The following TMEM9 variants were observed in gnomAD, a reference collection of about 807,000 sequenced individuals.
The protein encoded by TMEM9 is transmembrane protein 9.
A neutral mutation model predicts 22.8 loss-of-function variants in TMEM9; 13 were observed. The ratio of observed to expected loss-of-function variants is 0.57; its 90% confidence interval spans 0.37 to 0.91. TMEM9 has a LOEUF of 0.91. TMEM9 is among the 40% of genes least tolerant of loss of function. The pLI is 0.01. For synonymous variants in TMEM9, 88 were observed against 93.0 expected (o/e 0.95, Z 0.31); for missense variants, 182 against 238.1 (o/e 0.76, Z 1.55).
intron 4 of TMEM9, 21 bp downstream of exon 4, chr1:201,143,799 G>A: frequency 6.2e-7 from 1 of 1,612,726 alleles, no homozygotes; most frequent in Non-Finnish European, 8.5e-7. Flanking sequence ...CCCAGGGCCT[G>A]GGCACTCAAA....
At chr1:201,150,427 C>T (rs993911590) in intron 2 of TMEM9, among the ~76,000 whole-genome samples, 2 of 152,202 alleles carry the variant, frequency 1.3e-5, no homozygotes, top group Admixed American at 6.5e-5. Context: ...GTTCTAAGTG[C>T]TATAGTTACT....
upstream of TMEM9, among the ~76,000 whole-genome samples, chr1:201,156,473 G>A (rs1353085824): frequency 6.6e-6 from 1 of 152,020 alleles, no homozygotes; most frequent in African/African-American, 2.4e-5. Flanking sequence ...CCTCCACTTG[G>A]CAACCAAGCC....
intron 1 of TMEM9, among the ~76,000 whole-genome samples, chr1:201,153,347 A>T (rs1181032030): frequency 2.0e-5 from 3 of 152,316 alleles, no homozygotes; most frequent in South Asian, 2.1e-4. Flanking sequence ...TTGCTTTCTG[A>T]TGGTTCAGTG....
chr1:201,146,585 G>A, intron 3 of TMEM9, 155 bp downstream of exon 3: 1 of 769,142 alleles, frequency 1.3e-6, no homozygotes, highest in Non-Finnish European at 2.3e-6. Context: ...GGTGTGGGAT[G>A]TGGGTCCCAG....
intron 1 of TMEM9, among the ~76,000 whole-genome samples, chr1:201,160,473 C>T (rs1665912499): frequency 6.6e-6 from 1 of 152,022 alleles, no homozygotes; most frequent in Non-Finnish European, 1.5e-5. Flanking sequence ...CCTGTAATCC[C>T]AGGTACTCAG....
intron 4 of TMEM9, among the ~76,000 whole-genome samples, chr1:201,139,585 C>T (rs755682988): frequency 6.6e-6 from 1 of 152,204 alleles, no homozygotes; most frequent in African/African-American, 2.4e-5. Flanking sequence ...CCCCCTTACC[C>T]CCCAGCCCAG....
Position 201,143,920 on chromosome 1 carries a change from C to CCCA in TMEM9, c.296_298dup (p.Val99dup). ...GAAGGCCATGTAGAGCAACAGGGCA[C>CCCA]CCACCACGGACAGGTAGATGACAAT... is the stretch of plus-strand genomic sequence containing the variant. On this transcript the variant is annotated inframe_insertion, in exon 4 of 5. Transcript: ENST00000367330. The CCCA allele has an allele frequency of 6.2e-7, 1 of 1,614,130 alleles. No individual in the cohort carries two copies. Among genetic ancestry groups the CCCA allele is most frequent in the Non-Finnish European group, 8.5e-7 (1 of 1,180,000 alleles).
chr1:201,165,863 G>A (rs940912318), intron 1 of TMEM9, among the ~76,000 whole-genome samples: 7 of 152,162 alleles, frequency 4.6e-5, no homozygotes, highest in Non-Finnish European at 7.4e-5. Context: ...GTCCTAATTA[G>A]GGAAAAGAAG....
At chr1:201,138,275 C>T (rs1230928124) in intron 4 of TMEM9, among the ~76,000 whole-genome samples, 1 of 152,218 alleles carries the variant, frequency 6.6e-6, no homozygotes, top group Non-Finnish European at 1.5e-5. Flanking sequence ...AAATTCACCA[C>T]ATTACCACAG....
At chr1:201,146,913 G>A in intron 2 of TMEM9, 65 bp from the exon 3 acceptor site, 1 of 1,482,736 alleles carries the variant, frequency 6.7e-7, no homozygotes, top group Non-Finnish European at 9.4e-7. Context: ...CAAGACCAGA[G>A]AAGCAGGTAG....
intron 1 of TMEM9, 105 bp downstream of exon 1, chr1:201,153,753 G>A (rs1475060644): frequency 1.3e-6 from 2 of 1,571,872 alleles, no homozygotes; most frequent in Non-Finnish European, 1.7e-6. Flanking sequence ...ATAGGTGAGT[G>A]AGAGGCAGGC....
chr1:201,161,911 C>T (rs1274853728), intron 1 of TMEM9, among the ~76,000 whole-genome samples: 6 of 152,224 alleles, frequency 3.9e-5, no homozygotes, highest in African/African-American at 1.4e-4. Flanking sequence ...TTTATGATAG[C>T]CATTTCTAAG....
chr1:201,141,244 C>G (rs1439557899), intron 4 of TMEM9, among the ~76,000 whole-genome samples: 2 of 152,376 alleles, frequency 1.3e-5, no homozygotes, highest in East Asian at 3.9e-4. Context: ...ACGTTTCCTG[C>G]TGCTTTACCT....
chr1:201,144,733 C>T (rs1228895475), intron 3 of TMEM9: 1 of 152,138 alleles, frequency 6.6e-6, no homozygotes, highest in South Asian at 2.1e-4. Flanking sequence ...GGTAATACAC[C>T]TGTTATTGGG....
upstream of TMEM9, among the ~76,000 whole-genome samples, chr1:201,155,671 C>G (rs1241608068): frequency 1.3e-5 from 2 of 152,078 alleles, no homozygotes; most frequent in Non-Finnish European, 2.9e-5. Flanking sequence ...CTAGAGTGAC[C>G]AGGGCAGGAA....
intron 1 of TMEM9, among the ~76,000 whole-genome samples, chr1:201,168,430 G>A (rs1666129352): frequency 6.6e-6 from 1 of 152,124 alleles, no homozygotes; most frequent in South Asian, 2.1e-4. Flanking sequence ...ATTTTAAAAG[G>A]TTTTTAGGCC....
At chr1:201,164,356 T>C (rs1223475942) in intron 1 of TMEM9, among the ~76,000 whole-genome samples, 2 of 152,216 alleles carry the variant, frequency 1.3e-5, no homozygotes, top group Non-Finnish European at 2.9e-5. Flanking sequence ...TAATAAGATG[T>C]TATAAGTGAT....
intron 4 of TMEM9, among the ~76,000 whole-genome samples, chr1:201,140,434 G>A (rs187270297): frequency 6.6e-6 from 1 of 152,342 alleles, no homozygotes; most frequent in African/African-American, 2.4e-5. Flanking sequence ...TAATGCTGCT[G>A]GAATCCCAGG....
intron 1 of TMEM9, 24 bp from the exon 2 acceptor site, chr1:201,151,876 G>C (rs1161940077): frequency 1.9e-6 from 3 of 1,591,748 alleles, no homozygotes; most frequent in African/African-American, 1.3e-5. Context: ...CACATGTCAA[G>C]TATGCAGAGA....
Sources: allele counts gnomAD v4.1 joint callset (sites outside exome capture counted in the v4.1 genomes callset), GRCh38; gene constraint gnomAD v4.1.1; transcripts MANE v1.5; gene names NCBI Gene and HGNC (gene_info 2026-07-23, HGNC 2026-07-21).